The following LRRC1 variants were observed in gnomAD, a reference collection of about 807,000 sequenced individuals.
The protein encoded by LRRC1 is leucine-rich repeat-containing protein 1.
LRRC1 carries 28 observed loss-of-function variants against 69.9 expected under a neutral mutation model. The ratio of observed to expected loss-of-function variants is 0.40; its 90% CI spans 0.30 to 0.55. The LOEUF (loss-of-function observed/expected upper bound fraction) is 0.55. Among genes scored for constraint, LRRC1 ranks in the 20% least tolerant of loss-of-function variants. LRRC1 has a pLI of 0.47. For synonymous variants in LRRC1, 236 were observed against 240.2 expected, an observed-to-expected ratio of 0.98 and a Z score of 0.16; for missense variants, 498 against 609.0, an observed-to-expected ratio of 0.82 and a Z score of 1.92.
chr6:53,847,560 T>A (rs1040015983), intron 2 of LRRC1, among the ~76,000 whole-genome samples: 1 of 152,232 alleles, frequency 6.6e-6, no homozygotes, highest in Non-Finnish European at 1.5e-5. Flanking sequence ...TAAGATAGTT[T>A]TAGTACAATC....
At chr6:53,880,543 T>G (rs1767255185) in intron 3 of LRRC1, among the ~76,000 whole-genome samples, 1 of 152,142 alleles carries the variant, frequency 6.6e-6, no homozygotes, top group Non-Finnish European at 1.5e-5. Flanking sequence ...ATAAAGTGCT[T>G]CTAGTTAGCT....
chr6:53,895,358 A>G lies in LRRC1; in HGVS notation c.447-1140A>G, dbSNP rs1767836439. ...AGTTAAAATATATTTTCTGGCAAAC[A>G]GGTTTTAAGCATGTATATACACTGT... On this transcript the variant is annotated intron_variant, in intron 4 of 13. Transcript: ENST00000370888. Among the ~76,000 whole-genome samples, 3 of 152,254 alleles carry G rather than the reference A, an allele frequency of 2.0e-5. No homozygotes were observed. In the South Asian group the frequency reaches 6.2e-4, roughly 31 times the overall value.
At position 53,795,039 on chromosome 6, in the gene LRRC1, C is replaced by A. The variant is rs955959849; in HGVS notation, c.-218C>A. ...GACTGGCGGGTGGGAGTGGAGGCACCGGCTGGCGGGCGGGGGTACAGGGAC... is the reference window on the plus strand; with the variant it reads ...GACTGGCGGGTGGGAGTGGAGGCACAGGCTGGCGGGCGGGGGTACAGGGAC... On this transcript the variant is annotated 5_prime_UTR_variant, in exon 1 of 14. Transcript: ENST00000370888. The A allele has an allele frequency of 2.1e-5, 8 of 383,518 alleles. No individual in the cohort carries two copies. Among genetic ancestry groups the A allele is most frequent in the Middle Eastern group, 6.7e-4 (1 of 1,482 alleles). 23.8% of individuals were successfully genotyped at this position (383,518 alleles called of 1,614,324 possible). A position where few individuals can be genotyped will look rare whatever the true frequency, so the allele number is the denominator to read the frequency against.
In LRRC1 at chr6:53,837,048, G is replaced by T. The variant is rs182066337; in HGVS notation, c.160-5062G>T. 6.6e-3 allele frequency among the ~76,000 whole-genome samples: 1,007 copies of T among 152,032 alleles called. 6 individuals carry two copies. The highest frequency in any genetic ancestry group is 0.017 in the Middle Eastern group (5 of 294). On this transcript the variant is annotated intron_variant, in intron 1 of 13. Coordinates refer to ENST00000370888, the MANE Select transcript of LRRC1 (RefSeq NM_018214.5). ...AAGATTCATCCATGTCATAACTAAC[G>T]GTAAGCTTTCATTTTCATTGCTGTG...
Position 53,882,875 on chromosome 6 carries a change from G to T in LRRC1, c.357-12G>T, listed in dbSNP as rs770839509. The T allele has an allele frequency of 4.5e-6, 7 of 1,569,904 alleles. No homozygotes were observed. Among genetic ancestry groups the T allele is most frequent in the Non-Finnish European group, 5.2e-6 (6 of 1,148,196 alleles). ...TTAATTTACAGCGTTTTGTTTGTTT[G>T]TTTGATTTTAGGTTGCCAGAAAGCT... On this transcript the variant is annotated splice_polypyrimidine_tract_variant and intron_variant, in intron 3 of 13. Transcript: ENST00000370888.
At chr6:53,806,809 A>G (rs572077241) in intron 1 of LRRC1, among the ~76,000 whole-genome samples, 7 of 152,220 alleles carry the variant, frequency 4.6e-5, no homozygotes, top group African/African-American at 1.2e-4. Flanking sequence ...CCCAGAACCA[A>G]TTAAGGAAAA....
At chr6:53,870,990 A>C (rs904406064) in intron 2 of LRRC1, among the ~76,000 whole-genome samples, 1 of 152,188 alleles carries the variant, frequency 6.6e-6, no homozygotes, top group Non-Finnish European at 1.5e-5. Flanking sequence ...TTTATGGCTG[A>C]ATAGTACATT....
At chr6:53,921,052 C>T (rs1216154941) in intron 13 of LRRC1, among the ~76,000 whole-genome samples, 4 of 152,144 alleles carry the variant, frequency 2.6e-5, no homozygotes, top group South Asian at 2.1e-4. Flanking sequence ...ACTGCAACCT[C>T]GACCTTCTGG....
chr6:53,900,020 G>GTTTTTTT (rs869246243), intron 8 of LRRC1, 129 bp downstream of exon 8: 21 of 190,446 alleles, frequency 1.1e-4, no homozygotes, highest in African/African-American at 7.9e-4. Flanking sequence ...TCTCCTTACT[G>GTTTTTTT]TTTTTTTTTT....
At chr6:53,921,424 C>T (rs141434280) in intron 13 of LRRC1, among the ~76,000 whole-genome samples, 2 of 152,294 alleles carry the variant, frequency 1.3e-5, no homozygotes, top group African/African-American at 2.4e-5. Flanking sequence ...CATTCACTTG[C>T]CATGAATTGA....
chr6:53,899,720 G>A (rs369964558), intron 7 of LRRC1, 27 bp from the exon 8 acceptor site: 194 of 1,610,336 alleles, frequency 1.2e-4, no homozygotes, highest in Middle Eastern at 4.9e-4. Flanking sequence ...TTAAGTGTGC[G>A]TTTATTTTTC....
intron 2 of LRRC1, 24 bp from the exon 3 acceptor site, chr6:53,878,969 T>C (rs1486588190): frequency 6.7e-7 from 1 of 1,494,566 alleles, no homozygotes; most frequent in Non-Finnish European, 9.3e-7. Context: ...TGGCAAATTA[T>C]AGACATTTTC....
intron 1 of LRRC1, among the ~76,000 whole-genome samples, chr6:53,819,943 A>G (rs903504368): frequency 2.6e-5 from 4 of 152,222 alleles, no homozygotes; most frequent in Non-Finnish European, 5.9e-5. Flanking sequence ...GTTAGTATGT[A>G]TAACTCTTGG....
chr6:53,808,516 G>A (rs1195449530), intron 1 of LRRC1, among the ~76,000 whole-genome samples: 4 of 152,100 alleles, frequency 2.6e-5, no homozygotes, highest in Non-Finnish European at 5.9e-5. Context: ...CACTTCCTGT[G>A]ATTAACTCTT....
intron 2 of LRRC1, among the ~76,000 whole-genome samples, chr6:53,856,909 A>G (rs1236373657): frequency 3.3e-5 from 5 of 152,142 alleles, no homozygotes; most frequent in African/African-American, 4.8e-5. Flanking sequence ...CATGAGGACA[A>G]CTAGCTGGTA....
chr6:53,896,190 GT>G (rs1404341630), intron 4 of LRRC1, among the ~76,000 whole-genome samples: 4 of 152,214 alleles, frequency 2.6e-5, no homozygotes, highest in African/African-American at 9.6e-5. Context: ...GAGTGGTTGT[GT>G]TTTATTGGCT....
intron 1 of LRRC1, among the ~76,000 whole-genome samples, chr6:53,831,839 G>C (rs1261792699): frequency 6.6e-6 from 1 of 152,134 alleles, no homozygotes; most frequent in Non-Finnish European, 1.5e-5. Context: ...TTGGCTAGGG[G>C]TGGTATCGAC....
intron 1 of LRRC1, among the ~76,000 whole-genome samples, chr6:53,811,335 C>T (rs748767195): frequency 5.9e-5 from 9 of 152,190 alleles, no homozygotes; most frequent in Admixed American, 1.3e-4. Flanking sequence ...TTGCTATCCA[C>T]CTGAGAGGCA....
In LRRC1 at chr6:53,842,971, C is replaced by T. The variant is rs538559489; in HGVS notation, c.277+744C>T. Among the ~76,000 whole-genome samples the T allele has an allele frequency of 2.6e-5, 4 of 152,234 alleles. No individual in the cohort carries two copies. The South Asian group carries it at 8.3e-4, about 32-fold the overall frequency. ...ATGCCTTTCATTTTTAAATGGGTAC[C>T]TTGGTTTAACCCTCAGTTTTATACC... On this transcript the variant is annotated intron_variant, in intron 2 of 13. Transcript: ENST00000370888.
Sources: gnomAD v4.1 joint callset for allele counts (sites outside exome capture counted in the v4.1 genomes callset) on GRCh38, gnomAD v4.1.1 for gene constraint, MANE v1.5 for transcripts, NCBI Gene and HGNC (gene_info 2026-07-23, HGNC 2026-07-21) for gene names.